Variants in EYA3 observed in about 807,000 individuals in gnomAD.
The protein encoded by EYA3 is protein phosphatase EYA3.
In EYA3, 39 loss-of-function variants were observed where a neutral mutation model predicts 80.0. The ratio of observed to expected loss-of-function variants is 0.49; its 90% CI spans 0.38 to 0.64. EYA3 has a LOEUF of 0.64. Ranked by LOEUF, EYA3 falls within the 30% of genes least tolerant of loss-of-function variation. The pLI is 0.00. For missense variants in EYA3, 523 were observed against 676.1 expected (o/e 0.77, Z 2.51); for synonymous variants, 206 against 232.8 (o/e 0.88, Z 1.05).
chr1:28,004,993 A>G (rs1171550561), intron 10 of EYA3, among the ~76,000 whole-genome samples: 3 of 152,210 alleles, frequency 2.0e-5, no homozygotes, highest in Non-Finnish European at 2.9e-5. Flanking sequence ...ATCAGAAATG[A>G]AAGTGGGGAC....
intron 14 of EYA3, among the ~76,000 whole-genome samples, chr1:27,991,439 A>G (rs1640055620): frequency 6.6e-6 from 1 of 152,248 alleles, no homozygotes; most frequent in Non-Finnish European, 1.5e-5. Flanking sequence ...AGCACAAAAG[A>G]GAGCTCATAT....
intron 1 of EYA3, among the ~76,000 whole-genome samples, chr1:28,077,164 C>T (rs569334559): frequency 6.4e-5 from 9 of 141,144 alleles, no homozygotes; most frequent in East Asian, 2.1e-4. Flanking sequence ...AGTACAGTGG[C>T]GCAATCTCGG....
chr1:28,048,276 G>C (rs768728122), intron 3 of EYA3, 107 bp downstream of exon 3: 11 of 638,396 alleles, frequency 1.7e-5, no homozygotes, highest in African/African-American at 5.6e-5. Flanking sequence ...ACAGCTGATG[G>C]TAAGAACCAA....
chr1:28,077,916 A>G (rs570739333), intron 1 of EYA3, among the ~76,000 whole-genome samples: 3 of 152,276 alleles, frequency 2.0e-5, no homozygotes, highest in South Asian at 4.1e-4. Context: ...CAGTGTTTGG[A>G]TAACACTGAC....
At chr1:28,022,964 T>A (rs1642541012) in intron 7 of EYA3, among the ~76,000 whole-genome samples, 1 of 152,036 alleles carries the variant, frequency 6.6e-6, no homozygotes, top group Admixed American at 6.6e-5. Context: ...ATACCATTTT[T>A]TCCAATAAAA....
In EYA3 at chr1:27,974,503, A is replaced by G. The variant is rs771486693; in HGVS notation, c.1685T>C (p.Val562Ala). 18 of 1,613,018 alleles carry G rather than the reference A, an allele frequency of 1.1e-5. No individual in the cohort carries two copies. The highest frequency in any genetic ancestry group is 1.5e-5 in the Non-Finnish European group (18 of 1,179,212). Residue 562 changes from valine to alanine, a missense_variant, in exon 18 of 18, where the codon GTA (valine) becomes GCA (alanine). Val to Ala is a moderately conservative substitution (Grantham distance 64). Around this residue, in one of 2 missense-constraint regions of EYA3, gnomAD observed 219 missense variants for 332.8 expected, o/e 0.66. Coordinates refer to ENST00000373871, the MANE Select transcript of EYA3 (RefSeq NM_001990.4). ...FWRITNHGDL[V>A]SLHQALELDF... is the part of the protein sequence containing the mutation. ...AAGCTCTAAAGCCTGGTGAAGGGAT[A>G]CTAGGTCTCCATGGTTTGTGATCCT...
chr1:28,063,891 G>A (rs773196201), intron 1 of EYA3, among the ~76,000 whole-genome samples: 10 of 151,732 alleles, frequency 6.6e-5, no homozygotes, highest in Non-Finnish European at 1.2e-4. Flanking sequence ...AGCAACCTAC[G>A]GTATATAGTT....
chr1:28,048,824 CTTAAG>C (rs1274480865), intron 2 of EYA3, among the ~76,000 whole-genome samples: 4 of 152,074 alleles, frequency 2.6e-5, no homozygotes, highest in African/African-American at 9.7e-5. Context: ...TGGCTTTATA[CTTAAG>C]TTAGTTTAGT....
Position 27,970,565 on chromosome 1 carries a change from A to G in EYA3, c.*3901T>C, listed in dbSNP as rs1349014050. 6.6e-6 allele frequency: 1 copy of G among 152,224 alleles called. No individual in the cohort carries two copies. Among genetic ancestry groups the G allele is most frequent in the Non-Finnish European group, 1.5e-5 (1 of 68,042 alleles). 9.4% of individuals were successfully genotyped at this position (152,224 alleles called of 1,614,324 possible). On this transcript the variant is annotated 3_prime_UTR_variant, in exon 18 of 18. Transcript: ENST00000373871. ...ATGGGAGGGCTCCTGTCAGTGCATTAGGAACTAGCCAAGGAGCCTTGCTTG... is the reference window on the plus strand; with the variant it reads ...ATGGGAGGGCTCCTGTCAGTGCATTGGGAACTAGCCAAGGAGCCTTGCTTG...
At chr1:28,079,130 A>G (rs748859117) in intron 1 of EYA3, among the ~76,000 whole-genome samples, 2 of 152,228 alleles carry the variant, frequency 1.3e-5, no homozygotes, top group Non-Finnish European at 2.9e-5. Context: ...GAAGTGCTTT[A>G]AATAGTGCCT....
chr1:28,035,478 G>C (rs1643395507), intron 6 of EYA3, 66 bp downstream of exon 6: 1 of 1,567,360 alleles, frequency 6.4e-7, no homozygotes, highest in Non-Finnish European at 8.7e-7. Flanking sequence ...ATGATGCATG[G>C]CTGATCAAAG....
At chr1:28,079,588 C>A (rs1168940774) in intron 1 of EYA3, among the ~76,000 whole-genome samples, 2 of 152,160 alleles carry the variant, frequency 1.3e-5, no homozygotes, top group East Asian at 3.8e-4. Context: ...GCTCAGCATA[C>A]AACCGAGCAT....
At chr1:28,025,177 C>A (rs976938466) in intron 7 of EYA3, among the ~76,000 whole-genome samples, 1 of 152,158 alleles carries the variant, frequency 6.6e-6, no homozygotes, top group Non-Finnish European at 1.5e-5. Flanking sequence ...ACCCACGTTT[C>A]ATTTTAGCCC....
intron 3 of EYA3, among the ~76,000 whole-genome samples, chr1:28,046,005 G>A (rs906030226): frequency 6.6e-6 from 1 of 152,168 alleles, no homozygotes; most frequent in Non-Finnish European, 1.5e-5. Flanking sequence ...ATCACAAAAG[G>A]ACAAATACTG....
chr1:28,048,564 A>G lies in EYA3; in HGVS notation c.34-138T>C, dbSNP rs111316629. ...AGTCTAGATTTAATTAACCCTTGTTATATTTTAGAGCTAGAAATGAAGTTT... is the reference window on the plus strand; with the variant it reads ...AGTCTAGATTTAATTAACCCTTGTTGTATTTTAGAGCTAGAAATGAAGTTT... On this transcript the variant is annotated intron_variant, in intron 2 of 17. Coordinates refer to ENST00000373871, the MANE Select transcript of EYA3 (RefSeq NM_001990.4). 2,499 of 522,052 alleles carry G rather than the reference A, an allele frequency of 4.8e-3. 17 individuals carry two copies. Among genetic ancestry groups the G allele is most frequent in the Middle Eastern group, 0.022 (45 of 2,048 alleles). 32.3% of individuals were successfully genotyped at this position (522,052 alleles called of 1,614,324 possible). A position where few individuals can be genotyped will look rare whatever the true frequency, so the allele number is the denominator to read the frequency against.
rs184240576 is a variant in EYA3, at chr1:28,012,131, G to A, written c.769+980C>T. Among the ~76,000 whole-genome samples, 125 of 152,260 alleles carry A rather than the reference G, an allele frequency of 8.2e-4. 1 individual carries two copies. The highest frequency in any genetic ancestry group is 2.8e-3 in the African/African-American group (118 of 41,546). On this transcript the variant is annotated intron_variant, in intron 9 of 17. Coordinates refer to ENST00000373871, the MANE Select transcript of EYA3 (RefSeq NM_001990.4). ...GAGAACAATGCCTGGAATCTGGGGA[G>A]GGAGCTAGATGATGTATAGCTGAAA...
intron 13 of EYA3, among the ~76,000 whole-genome samples, chr1:27,994,703 G>A (rs2148738954): frequency 6.6e-6 from 1 of 152,244 alleles, no homozygotes; most frequent in South Asian, 2.1e-4. Flanking sequence ...GCAGTGGCTG[G>A]TGCCTGTAAT....
At chr1:27,977,962 ACTTT>A (rs978239493) in intron 17 of EYA3, among the ~76,000 whole-genome samples, 2 of 152,190 alleles carry the variant, frequency 1.3e-5, no homozygotes, top group Non-Finnish European at 2.9e-5. Context: ...GGCAGGAAAG[ACTTT>A]CTCTACAGAA....
rs200480089 is a variant in EYA3, at chr1:28,027,845, G to A, written c.443C>T (p.Thr148Ile). Residue 148 changes from threonine (T) to isoleucine (I), a missense_variant, in exon 7 of 18, where the codon ACT becomes ATT. By Grantham distance (89) the Thr-to-Ile change is moderately conservative. Around this residue, in one of 2 missense-constraint regions of EYA3, gnomAD observed 304 missense variants for 343.3 expected, o/e 0.89. Transcript: ENST00000373871. The part of the protein sequence containing the change: ...SPSQHSVLTC[T>I]TGLTTSQPSP... The stretch of plus-strand genomic sequence containing the variant: ...TGGCTGGCTTGTGGTTAACCCTGTA[G>A]TGCAGGTAAGAACACTGTGTTGACT... The A allele has an allele frequency of 6.8e-6, 11 of 1,614,168 alleles. No individual in the cohort carries two copies. Among genetic ancestry groups the A allele is most frequent in the African/African-American group, 1.3e-5 (1 of 75,034 alleles).
Sources: gnomAD v4.1 joint callset for allele counts (sites outside exome capture counted in the v4.1 genomes callset) on GRCh38, gnomAD v4.1.1 for gene constraint, gnomAD v4.1.1 regional missense constraint, MANE v1.5 for transcripts, NCBI Gene and HGNC (gene_info 2026-07-23, HGNC 2026-07-21) for gene names.